FAM117B: variants seen among roughly 807,000 people sequenced by gnomAD.
FAM117B encodes the protein protein FAM117B.
FAM117B carries 22 observed loss-of-function variants against 52.8 expected under a neutral mutation model. The observed-to-expected ratio is 0.42, with a 90% confidence interval of 0.30 to 0.59. The LOEUF is 0.59. Among genes scored for constraint, FAM117B ranks in the 20% least tolerant of loss-of-function variants. The probability of loss-of-function intolerance (pLI) is 0.22; values close to 1 mark genes in which losing one functional copy is unlikely to be tolerated. For missense variants in FAM117B, 678 were observed against 802.6 expected (o/e 0.84, Z 1.88); for synonymous variants, 309 against 324.1 (o/e 0.95, Z 0.50).
chr2:202,765,337 T>C (rs1020688610), intron 7 of FAM117B, 109 bp from the exon 8 acceptor site: 3 of 1,079,594 alleles, frequency 2.8e-6, no homozygotes, highest in African/African-American at 3.2e-5. Context: ...TTCTGTGATG[T>C]AAGTTAACTG....
intron 1 of FAM117B, among the ~76,000 whole-genome samples, chr2:202,652,083 A>G (rs1261964842): frequency 6.6e-6 from 1 of 150,762 alleles, no homozygotes. Context: ...GATAAGGACA[A>G]GGGATGTCTG....
At chr2:202,714,537 T>TC (rs1190906852) in intron 2 of FAM117B, among the ~76,000 whole-genome samples, 6 of 145,992 alleles carry the variant, frequency 4.1e-5, no homozygotes, top group Admixed American at 1.3e-4. Flanking sequence ...TTTTTTCTTT[T>TC]TTTTTTTTTT....
chr2:202,685,726 A>G (rs966456987), intron 1 of FAM117B, among the ~76,000 whole-genome samples: 6 of 152,234 alleles, frequency 3.9e-5, no homozygotes, highest in African/African-American at 1.2e-4. Context: ...GCAACTGGAT[A>G]TCCATATAGG....
intron 4 of FAM117B, among the ~76,000 whole-genome samples, chr2:202,753,930 A>G (rs534047161): frequency 1.6e-4 from 25 of 152,310 alleles, no homozygotes; most frequent in South Asian, 8.3e-4. Flanking sequence ...TGTTGGTGGG[A>G]GTGTAAATTA....
chr2:202,683,903 G>A (rs1435661826), intron 1 of FAM117B, among the ~76,000 whole-genome samples: 2 of 151,340 alleles, frequency 1.3e-5, no homozygotes, highest in Non-Finnish European at 2.9e-5. Context: ...GTCTTGCTCT[G>A]TCACCCAGGC....
At chr2:202,677,089 G>GAGAC (rs1023608085) in intron 1 of FAM117B, among the ~76,000 whole-genome samples, 1 of 131,230 alleles carries the variant, frequency 7.6e-6, no homozygotes, top group African/African-American at 3.0e-5. Context: ...CCTTTCTTTT[G>GAGAC]AGACAGTCTC....
intron 1 of FAM117B, among the ~76,000 whole-genome samples, chr2:202,694,146 G>A (rs999049898): frequency 2.0e-5 from 3 of 149,594 alleles, no homozygotes; most frequent in African/African-American, 5.0e-5. Context: ...ATGTATCAAA[G>A]CTTGGCCTGC....
At chr2:202,710,241 T>A (rs984225038) in intron 2 of FAM117B, among the ~76,000 whole-genome samples, 27 of 152,208 alleles carry the variant, frequency 1.8e-4, no homozygotes, top group African/African-American at 6.0e-4. Context: ...GTATTAAAAG[T>A]CTTCCAGTCC....
chr2:202,635,718 G>C lies in FAM117B; in HGVS notation c.531G>C (p.Arg177=). 1.4e-6 allele frequency: 2 copies of C among 1,443,566 alleles called. No individual in the cohort carries two copies. Among genetic ancestry groups the C allele is most frequent in the Middle Eastern group, 2.3e-4 (1 of 4,284 alleles). 89.4% of individuals were successfully genotyped at this position (1,443,566 alleles called of 1,614,324 possible). The change falls in exon 1 of 8, where the codon CGG becomes CGC. Residue 177 remains arginine (R), a synonymous_variant. Coordinates refer to ENST00000392238, the MANE Select transcript of FAM117B (RefSeq NM_173511.4). The part of the protein sequence containing the change: ...AAPPPARVRH[R]RRSPEQSRSS... Reference sequence around the variant, plus strand: ...CACCCCCAGCCCGCGTCCGGCATCGGAGGAGGTCTCCGGAGCAGAGCCGAA... The same window carrying C: ...CACCCCCAGCCCGCGTCCGGCATCGCAGGAGGTCTCCGGAGCAGAGCCGAA...
chr2:202,656,086 C>G (rs922981267), intron 1 of FAM117B, among the ~76,000 whole-genome samples: 3 of 152,020 alleles, frequency 2.0e-5, no homozygotes, highest in African/African-American at 2.4e-5. Context: ...TTCGGTCATT[C>G]CTGATTTGAA....
At position 202,640,293 on chromosome 2, in the gene FAM117B, AAAATATATATATATATAT is replaced by A. The variant is rs1352160104; in HGVS notation, c.601+4507_601+4524del. Reference sequence around the variant, plus strand: ...TCACAACAACCACCACCACCACCACAAAATATATATATATATATATATATATATATATATATATATATA... The same window carrying A: ...TCACAACAACCACCACCACCACCACAATATATATATATATATATATATATA... On this transcript the variant is annotated intron_variant, in intron 1 of 7. Coordinates refer to ENST00000392238, the MANE Select transcript of FAM117B (RefSeq NM_173511.4). 3.9e-4 allele frequency among the ~76,000 whole-genome samples: 24 copies of A among 61,684 alleles called. 1 individual carries two copies. Among genetic ancestry groups the A allele is most frequent in the South Asian group, 1.0e-3 (2 of 1,940 alleles). The allele number at this position is 61,684 out of a possible 152,430, so 40.5% of individuals were successfully genotyped here.
At chr2:202,678,371 T>A (rs1035325302) in intron 1 of FAM117B, among the ~76,000 whole-genome samples, 2 of 152,078 alleles carry the variant, frequency 1.3e-5, no homozygotes, top group Non-Finnish European at 2.9e-5. Context: ...CTCAGGGGAT[T>A]GATTTGACCA....
chr2:202,710,105 C>T (rs965154890), intron 2 of FAM117B, among the ~76,000 whole-genome samples: 7 of 152,180 alleles, frequency 4.6e-5, no homozygotes, highest in East Asian at 1.9e-4. Flanking sequence ...TTTGGCTATT[C>T]GTGGTCTTTT....
At chr2:202,673,299 TTGTGTA>T (rs1690325519) in intron 1 of FAM117B, among the ~76,000 whole-genome samples, 1 of 152,114 alleles carries the variant, frequency 6.6e-6, no homozygotes, top group Non-Finnish European at 1.5e-5. Context: ...CTGGCTGATT[TTGTGTA>T]TGCTAGAGGG....
intron 1 of FAM117B, among the ~76,000 whole-genome samples, chr2:202,683,981 C>T (rs889189277): frequency 6.6e-6 from 1 of 152,092 alleles, no homozygotes; most frequent in Non-Finnish European, 1.5e-5. Context: ...GTCCTCCCAC[C>T]TCAGCCTCCC....
chr2:202,729,774 T>A (rs951721363), intron 4 of FAM117B, among the ~76,000 whole-genome samples: 13 of 152,120 alleles, frequency 8.5e-5, no homozygotes, highest in African/African-American at 3.1e-4. Flanking sequence ...ATAGGAGTAG[T>A]GGTAAGAGAT....
At chr2:202,688,609 T>C (rs914509175) in intron 1 of FAM117B, among the ~76,000 whole-genome samples, 1 of 152,114 alleles carries the variant, frequency 6.6e-6, no homozygotes, top group African/African-American at 2.4e-5. Context: ...ATTTTTGAAA[T>C]ATTGTTAATA....
At chr2:202,639,843 G>A (rs1016757088) in intron 1 of FAM117B, among the ~76,000 whole-genome samples, 4 of 152,130 alleles carry the variant, frequency 2.6e-5, no homozygotes, top group African/African-American at 9.7e-5. Context: ...AATTACCAGT[G>A]TAGGTTCAGT....
chr2:202,739,523 C>T (rs1199018925), intron 4 of FAM117B, among the ~76,000 whole-genome samples: 1 of 141,806 alleles, frequency 7.1e-6, no homozygotes, highest in Admixed American at 7.3e-5. Context: ...AATGGAGTGA[C>T]CATGTCACTG....
Sources: allele counts gnomAD v4.1 joint callset (sites outside exome capture counted in the v4.1 genomes callset), GRCh38; gene constraint gnomAD v4.1.1; transcripts MANE v1.5; gene names NCBI Gene and HGNC (gene_info 2026-07-23, HGNC 2026-07-21).